WWC2: variants seen among roughly 807,000 people sequenced by gnomAD.
WWC2 encodes WW and C2 domain containing 2.
In WWC2, 101 loss-of-function variants were observed where a neutral mutation model predicts 138.5. That is an observed-to-expected ratio of 0.73 (90% CI 0.62 to 0.86). The LOEUF is 0.86. Ranked by LOEUF, WWC2 falls within the 40% of genes least tolerant of loss-of-function variation. The pLI is 0.00. For synonymous variants in WWC2, 558 were observed against 538.4 expected, an observed-to-expected ratio of 1.04 and a Z score of -0.50; for missense variants, 1,420 against 1,419.4, an observed-to-expected ratio of 1.00 and a Z score of -0.01.
chr4:183,099,357 C>T lies in WWC2; in HGVS notation c.-135C>T. ...ACCTCCCGCGCGTGGTTCCGCCGCGCCCCGCGCCCTGCGCCCCTCAGCCCC... is the reference window on the plus strand; with the variant it reads ...ACCTCCCGCGCGTGGTTCCGCCGCGTCCCGCGCCCTGCGCCCCTCAGCCCC... On this transcript the variant is annotated 5_prime_UTR_variant, in exon 1 of 23. Transcript: ENST00000403733. 1.1e-6 allele frequency: 1 copy of T among 940,074 alleles called. No homozygotes were observed. The highest frequency in any genetic ancestry group is 1.3e-6 in the Non-Finnish European group (1 of 748,164). The allele number at this position is 940,074 out of a possible 1,614,324, so 58.2% of individuals were successfully genotyped here. A position where few individuals can be genotyped will look rare whatever the true frequency, so the allele number is the denominator to read the frequency against.
intron 16 of WWC2, among the ~76,000 whole-genome samples, chr4:183,279,173 T>G (rs1435681987): frequency 1.3e-5 from 2 of 151,956 alleles, no homozygotes; most frequent in Non-Finnish European, 2.9e-5. Flanking sequence ...TTATTGAGAG[T>G]TTTTAGCATG....
intron 21 of WWC2, among the ~76,000 whole-genome samples, chr4:183,306,485 T>C (rs1028136218): frequency 1.3e-5 from 2 of 152,074 alleles, no homozygotes; most frequent in African/African-American, 4.8e-5. Flanking sequence ...TGGAGCAGAC[T>C]TCAGAGCAAG....
chr4:183,315,648 T>A lies in WWC2; in HGVS notation c.3513-15T>A. On this transcript the variant is annotated splice_polypyrimidine_tract_variant and intron_variant, in intron 22 of 22. Coordinates refer to ENST00000403733, the MANE Select transcript of WWC2 (RefSeq NM_024949.6). ...CATCATATATAAGTCAATTTATTTC[T>A]CACCCCAACTCTAGGGAGAAGATTG... 1 of 1,606,820 alleles carries A rather than the reference T, an allele frequency of 6.2e-7. No individual in the cohort carries two copies. Among genetic ancestry groups the A allele is most frequent in the Non-Finnish European group, 8.5e-7 (1 of 1,176,068 alleles).
rs1732451964 is a variant in WWC2, at chr4:183,117,499, G to C, written c.131+17877G>C. Reference sequence around the variant, plus strand: ...GCCTCCCAAAGTGCTGGGATTACAGGCATGAGCCACTGTGCCCGGCCACGT... The same window carrying C: ...GCCTCCCAAAGTGCTGGGATTACAGCCATGAGCCACTGTGCCCGGCCACGT... On this transcript the variant is annotated intron_variant, in intron 1 of 22. Transcript: ENST00000403733. Among the ~76,000 whole-genome samples the C allele has an allele frequency of 1.3e-5, 2 of 152,064 alleles. 1 individual carries two copies. The highest frequency in any genetic ancestry group is 4.2e-4 in the South Asian group (2 of 4,818).
At chr4:183,287,711 CATCTGAATAG>C (rs1420574763) in intron 20 of WWC2, among the ~76,000 whole-genome samples, 2 of 152,162 alleles carry the variant, frequency 1.3e-5, no homozygotes, top group African/African-American at 4.8e-5. Context: ...GGAAAAGGTT[CATCTGAATAG>C]AAGAACAAAG....
chr4:183,152,632 C>A (rs1733673520), intron 1 of WWC2, among the ~76,000 whole-genome samples: 1 of 151,628 alleles, frequency 6.6e-6, no homozygotes, highest in Non-Finnish European at 1.5e-5. Context: ...CACCTGTAAT[C>A]ATAGCACTTT....
In WWC2 at chr4:183,113,304, G is replaced by T. The variant is rs150784406; in HGVS notation, c.131+13682G>T. Reference sequence around the variant, plus strand: ...GAGGGAGGAGGGTCTTATGAAATGAGGCAGAGAAGTATTAGGTTGGTGCAA... The same window carrying T: ...GAGGGAGGAGGGTCTTATGAAATGATGCAGAGAAGTATTAGGTTGGTGCAA... On this transcript the variant is annotated intron_variant, in intron 1 of 22. Transcript: ENST00000403733. Among the ~76,000 whole-genome samples the T allele has an allele frequency of 3.9e-3, 600 of 151,966 alleles. 3 individuals carry two copies. The highest frequency in any genetic ancestry group is 0.014 in the African/African-American group (575 of 41,484).
chr4:183,256,900 C>T (rs866337329), intron 9 of WWC2, among the ~76,000 whole-genome samples: 7,673 of 99,404 alleles, frequency 0.077, 1,690 homozygotes, highest in African/African-American at 0.28. Context: ...CCCCCCCCCC[C>T]CCCGGCTCTG....
At position 183,289,503 on chromosome 4, in the gene WWC2, T is replaced by C. The variant is rs201634475; in HGVS notation, c.3252T>C (p.Asn1084=). Residue 1084 remains asparagine, a synonymous_variant, in exon 21 of 23, where the codon AAT becomes AAC. Transcript: ENST00000403733. ...CTCTGACCCGGCAGAGCCGCCTCAATGATGAGCTGCAGGCGCTGAGGGACT... is the reference window on the plus strand; with the variant it reads ...CTCTGACCCGGCAGAGCCGCCTCAACGATGAGCTGCAGGCGCTGAGGGACT... ...QASLTRQSRL[N]DELQALRDLR... 13 of 1,613,744 alleles carry C rather than the reference T, an allele frequency of 8.1e-6. No individual in the cohort carries two copies. Among genetic ancestry groups the C allele is most frequent in the South Asian group, 3.3e-5 (3 of 91,072 alleles).
intron 4 of WWC2, among the ~76,000 whole-genome samples, chr4:183,220,590 T>A (rs1274137623): frequency 6.7e-6 from 1 of 149,476 alleles, no homozygotes; most frequent in African/African-American, 2.5e-5. Context: ...ATTCCAGCAC[T>A]TTGGGAGGTC....
chr4:183,271,100 G>A lies in WWC2; in HGVS notation c.2421G>A (p.Leu807=), dbSNP rs1468605465. The A allele has an allele frequency of 3.1e-6, 5 of 1,600,322 alleles. No homozygotes were observed. In the Admixed American group the frequency reaches 8.5e-5, roughly 27 times the overall value. The change falls in exon 16 of 23, where the codon CTG becomes CTA. Residue 807 remains leucine (L), a synonymous_variant. Coordinates refer to ENST00000403733, the MANE Select transcript of WWC2 (RefSeq NM_024949.6). ...CATAGGCTGGAACTCAGATCAGCCTGGCAGATTTACCATTTTCCAGTGAGG... is the reference window on the plus strand; with the variant it reads ...CATAGGCTGGAACTCAGATCAGCCTAGCAGATTTACCATTTTCCAGTGAGG... The part of the protein sequence containing the change: ...EECLAGTQIS[L]ADLPFSSEVF...
intron 4 of WWC2, among the ~76,000 whole-genome samples, chr4:183,216,905 G>A (rs186707798): frequency 1.3e-5 from 2 of 152,250 alleles, no homozygotes; most frequent in East Asian, 3.9e-4. Flanking sequence ...CATGAGGCTG[G>A]AGAAAGAAAG....
rs1288763692 is a variant in WWC2 at position 183,282,905 on chromosome 4, T to A, written c.2882T>A (p.Leu961Gln). 3 of 1,575,084 alleles carry A rather than the reference T, an allele frequency of 1.9e-6. No individual in the cohort carries two copies. The highest frequency in any genetic ancestry group is 2.6e-6 in the Non-Finnish European group (3 of 1,159,878). The change falls in exon 18 of 23, where the codon CTG (leucine) becomes CAG (glutamine). Residue 961 changes from leucine to glutamine, a missense_variant and splice_region_variant. By Grantham distance (113) the Leu-to-Gln change is moderately radical (BLOSUM62 -2). Coordinates refer to ENST00000403733, the MANE Select transcript of WWC2 (RefSeq NM_024949.6). The stretch of plus-strand genomic sequence containing the variant: ...CAGCCACCTACTAGAATACCAACAC[T>A]GGTGACTATTCCGCTGTGCTGTCTT... Reference protein sequence around the residue: ...RSQPPTRIPTLVDKETNTDEA... With the variant: ...RSQPPTRIPTQVDKETNTDEA...
chr4:183,194,137 G>A (rs1735066882), intron 2 of WWC2, among the ~76,000 whole-genome samples: 1 of 152,184 alleles, frequency 6.6e-6, no homozygotes, highest in Non-Finnish European at 1.5e-5. Context: ...GCCTGCATCA[G>A]TGGCTCTGGA....
At chr4:183,252,493 C>T (rs1405148018) in intron 8 of WWC2, among the ~76,000 whole-genome samples, 1 of 152,120 alleles carries the variant, frequency 6.6e-6, no homozygotes, top group Non-Finnish European at 1.5e-5. Flanking sequence ...CCATGTGTTA[C>T]GAAGCTCTAG....
rs1186055330 is a variant in WWC2, at chr4:183,152,165, T to C, written c.132-41434T>C. On this transcript the variant is annotated intron_variant, in intron 1 of 22. Coordinates refer to ENST00000403733, the MANE Select transcript of WWC2 (RefSeq NM_024949.6). ...GTAAGAAAGAAAAGGATTTAACGTT[T>C]ATTAAGTTCTTCCTTTGGGTCTGGT... is the stretch of plus-strand genomic sequence containing the variant. Among the ~76,000 whole-genome samples the C allele has an allele frequency of 2.6e-5, 4 of 152,086 alleles. No individual in the cohort carries two copies. The East Asian group carries it at 7.7e-4, about 29-fold the overall frequency.
chr4:183,117,110 A>C (rs949192007), intron 1 of WWC2, among the ~76,000 whole-genome samples: 8 of 151,352 alleles, frequency 5.3e-5, no homozygotes, highest in African/African-American at 1.7e-4. Context: ...CACCACCTAC[A>C]CTTCTGCATA....
chr4:183,227,522 C>A lies in WWC2; in HGVS notation c.523-12661C>A, dbSNP rs570690235. Among the ~76,000 whole-genome samples, 57 of 151,888 alleles carry A rather than the reference C, an allele frequency of 3.8e-4. 1 individual carries two copies. The highest frequency in any genetic ancestry group is 1.4e-3 in the African/African-American group (57 of 41,340). On this transcript the variant is annotated intron_variant, in intron 4 of 22. Transcript: ENST00000403733. ...AGAAATTAGAGAAAATACAAAATATCCATGTTTAACATGTTTTTAAGAAAT... is the reference window on the plus strand; with the variant it reads ...AGAAATTAGAGAAAATACAAAATATACATGTTTAACATGTTTTTAAGAAAT...
At chr4:183,310,595 G>C (rs1012710764) in intron 21 of WWC2, among the ~76,000 whole-genome samples, 1 of 151,882 alleles carries the variant, frequency 6.6e-6, no homozygotes, top group Non-Finnish European at 1.5e-5. Context: ...TAAACTCCCA[G>C]GCTCAAGTGA....
Sources: allele counts gnomAD v4.1 joint callset (sites outside exome capture counted in the v4.1 genomes callset), GRCh38; gene constraint gnomAD v4.1.1; transcripts MANE v1.5; gene names NCBI Gene and HGNC (gene_info 2026-07-23, HGNC 2026-07-21).